C2CD3: variants seen among roughly 807,000 people sequenced by gnomAD.
The protein encoded by C2CD3 is C2 domain containing 3 centriole elongation regulator.
Under a neutral mutation model 234.0 loss-of-function variants are expected in C2CD3, and 148 were observed. The ratio of observed to expected loss-of-function variants is 0.63; its 90% confidence interval spans 0.55 to 0.72. The LOEUF (loss-of-function observed/expected upper bound fraction) is 0.72. Ranked by LOEUF, C2CD3 falls within the 30% of genes least tolerant of loss-of-function variation. C2CD3 has a pLI of 0.00. For missense variants in C2CD3, 2,577 were observed against 2,811.5 expected (o/e 0.92, Z 1.89); for synonymous variants, 1,000 against 1,035.4 (o/e 0.97, Z 0.66).
intron 19 of C2CD3, 112 bp downstream of exon 19, chr11:74,092,304 C>T: frequency 1.1e-6 from 1 of 935,206 alleles, no homozygotes; most frequent in South Asian, 1.5e-5. Flanking sequence ...ATCCACCCGC[C>T]TTGGCTTCCC....
intron 16 of C2CD3, among the ~76,000 whole-genome samples, chr11:74,095,852 A>G (rs1956085226): frequency 6.6e-6 from 1 of 152,250 alleles, no homozygotes; most frequent in Admixed American, 6.5e-5. Flanking sequence ...GGGTAACACC[A>G]GACCAAACTA....
At chr11:74,082,209 G>A (rs1038216911) in intron 22 of C2CD3, among the ~76,000 whole-genome samples, 2 of 149,822 alleles carry the variant, frequency 1.3e-5, no homozygotes, top group African/African-American at 2.5e-5. Flanking sequence ...TCCGCCTCCC[G>A]GGTTCATGCC....
chr11:74,122,712 A>G (rs1455411759), intron 8 of C2CD3, among the ~76,000 whole-genome samples: 2 of 152,206 alleles, frequency 1.3e-5, no homozygotes, highest in Non-Finnish European at 2.9e-5. Context: ...GAAACCATAA[A>G]ATATATTAAT....
Position 74,090,793 on chromosome 11 carries a change from C to A in C2CD3, c.3641+20G>T. 6.2e-7 allele frequency: 1 copy of A among 1,613,784 alleles called. No individual in the cohort carries two copies. Among genetic ancestry groups the A allele is most frequent in the Non-Finnish European group, 8.5e-7 (1 of 1,179,838 alleles). ...TGCAGTGTAAAAGGCTTGAGAATTGCTTGTCTCAGGTGGACTTACTTGGCT... is the reference window on the plus strand; with the variant it reads ...TGCAGTGTAAAAGGCTTGAGAATTGATTGTCTCAGGTGGACTTACTTGGCT... On this transcript the variant is annotated intron_variant, in intron 20 of 32. Transcript: ENST00000334126.
chr11:74,105,050 G>A (rs1351448992), intron 13 of C2CD3, among the ~76,000 whole-genome samples: 1 of 152,158 alleles, frequency 6.6e-6, no homozygotes, highest in Non-Finnish European at 1.5e-5. Context: ...AGAGAGACAA[G>A]GCTTTCAAGA....
At chr11:74,102,747 T>C (rs188236085) in intron 14 of C2CD3, among the ~76,000 whole-genome samples, 21 of 152,196 alleles carry the variant, frequency 1.4e-4, no homozygotes, top group African/African-American at 3.9e-4. Context: ...TTAAGATGAA[T>C]ACTGAAGTAG....
At chr11:74,080,150 GTGGAA>G (rs1316990462) in intron 22 of C2CD3, among the ~76,000 whole-genome samples, 2 of 152,098 alleles carry the variant, frequency 1.3e-5, no homozygotes, top group African/African-American at 4.8e-5. Flanking sequence ...ATAAAACATT[GTGGAA>G]TGATAATATT....
chr11:74,032,045 TG>T (rs1952541107), intron 31 of C2CD3, among the ~76,000 whole-genome samples: 1 of 152,206 alleles, frequency 6.6e-6, no homozygotes, highest in Admixed American at 6.5e-5. Flanking sequence ...GTTGTGAAAC[TG>T]TGATAGTTCA....
intron 19 of C2CD3, among the ~76,000 whole-genome samples, chr11:74,092,055 T>TAC (rs1955916573): frequency 6.6e-6 from 1 of 151,554 alleles, no homozygotes; most frequent in East Asian, 1.9e-4. Context: ...TGTATATATA[T>TAC]ATATATTTTT....
chr11:74,160,799 CCT>C (rs1366003272), intron 3 of C2CD3, among the ~76,000 whole-genome samples: 2 of 152,040 alleles, frequency 1.3e-5, no homozygotes, highest in African/African-American at 4.8e-5. Context: ...TGCTAATTAC[CCT>C]GATTTGATCC....
In C2CD3 at chr11:74,095,387, G is replaced by C; in HGVS notation, c.3001C>G (p.Leu1001Val). The C allele has an allele frequency of 6.2e-7, 1 of 1,612,668 alleles. No individual in the cohort carries two copies. Among genetic ancestry groups the C allele is most frequent in the African/African-American group, 1.3e-5 (1 of 74,922 alleles). ...VAMAEDRGNG[L>V]MEHCFEIHIE... is the part of the protein sequence containing the mutation. Reference sequence around the variant, plus strand: ...TGGATCTCAAAGCAGTGCTCCATCAGTCCATTTCCTCGGTCCTCTGCCTAT... The same window carrying C: ...TGGATCTCAAAGCAGTGCTCCATCACTCCATTTCCTCGGTCCTCTGCCTAT... The change falls in exon 17 of 33, where the codon CTG (leucine) becomes GTG (valine). Residue 1001 changes from leucine to valine, a missense_variant. Leu to Val is a conservative substitution (Grantham distance 32, BLOSUM62 1). Coordinates refer to ENST00000334126, the MANE Select transcript of C2CD3 (RefSeq NM_001286577.2).
At chr11:74,075,040 C>T (rs61901208) in intron 23 of C2CD3, among the ~76,000 whole-genome samples, 27,607 of 151,948 alleles carry the variant, frequency 0.18, 2,690 homozygotes, top group East Asian at 0.3. Flanking sequence ...GCCATGACTG[C>T]GCCACTGCAC....
chr11:74,065,440 C>T (rs988454109), intron 24 of C2CD3, among the ~76,000 whole-genome samples: 1 of 152,062 alleles, frequency 6.6e-6, no homozygotes, highest in Non-Finnish European at 1.5e-5. Context: ...TGTGGAGAAA[C>T]TGGAACACTT....
rs776964994 is a variant in C2CD3, at chr11:74,092,528, C to T, written c.3405G>A (p.Arg1135=). ...GCTGGGTGGTTACCATAGCACAGATCCTTGATAATGGCAAGGTTCCTTTGG... is the reference window on the plus strand; with the variant it reads ...GCTGGGTGGTTACCATAGCACAGATTCTTGATAATGGCAAGGTTCCTTTGG... ...KVAKGTLPLS[R]ICAMVTTQHR... The change falls in exon 19 of 33, where the codon AGG becomes AGA. Residue 1135 remains arginine, a synonymous_variant. Coordinates refer to ENST00000334126, the MANE Select transcript of C2CD3 (RefSeq NM_001286577.2). 2 of 1,613,990 alleles carry T rather than the reference C, an allele frequency of 1.2e-6. No homozygotes were observed. Among genetic ancestry groups the T allele is most frequent in the Non-Finnish European group, 1.7e-6 (2 of 1,179,920 alleles).
intron 24 of C2CD3, among the ~76,000 whole-genome samples, chr11:74,065,161 C>T (rs2135449729): frequency 6.6e-6 from 1 of 152,132 alleles, no homozygotes; most frequent in South Asian, 2.1e-4. Context: ...TACAATCTAC[C>T]CATCTGACAA....
In C2CD3 at chr11:74,078,430, GA is replaced by G. The variant is rs1955172101; in HGVS notation, c.4287del (p.His1430IlefsTer29). 4 of 1,614,050 alleles carry G rather than the reference GA, an allele frequency of 2.5e-6. No individual in the cohort carries two copies. Among genetic ancestry groups the G allele is most frequent in the Non-Finnish European group, 3.4e-6 (4 of 1,180,026 alleles). On this transcript the variant is annotated frameshift_variant, in exon 23 of 33. Transcript: ENST00000334126. LOFTEE classifies it high-confidence loss of function. ...HCVLLAGHNH[I>X]HKNTYCYLRY... ...CGAAGGTAGCAATATGTATTCTTAT[GA>G]ATGTGGTTGTGGCCAGCAAGCAGCA...
At position 74,078,675 on chromosome 11, in the gene C2CD3, C is replaced by T. The variant is rs748143486; in HGVS notation, c.4043G>A (p.Gly1348Asp). 1.2e-6 allele frequency: 2 copies of T among 1,611,820 alleles called. No individual in the cohort carries two copies. The highest frequency in any genetic ancestry group is 1.3e-5 in the African/African-American group (1 of 74,808). ...CATGAGCTCCAGGCCATGAGGTAGG[C>T]CCCCGTCTTCTGGTAAAATGATAGG... ...WYPIILPEDG[G>D]LPHGLELMQK... is the part of the protein sequence containing the mutation. The change falls in exon 23 of 33, where the codon GGC becomes GAC. Residue 1348 changes from glycine (G) to aspartate (D), a missense_variant. By Grantham distance (94) the Gly-to-Asp change is moderately conservative. Coordinates refer to ENST00000334126, the MANE Select transcript of C2CD3 (RefSeq NM_001286577.2).
intron 1 of C2CD3, among the ~76,000 whole-genome samples, chr11:74,169,865 T>C (rs1857047763): frequency 6.6e-6 from 1 of 152,172 alleles, no homozygotes; most frequent in South Asian, 2.1e-4. Context: ...TCCCAGATTG[T>C]AGCTTCAGTC....
chr11:74,126,636 C>T (rs1049045015), intron 7 of C2CD3, among the ~76,000 whole-genome samples: 10 of 152,178 alleles, frequency 6.6e-5, no homozygotes, highest in East Asian at 1.9e-4. Flanking sequence ...CCCAGCTACT[C>T]GGGAAGCTGA....
Sources: gnomAD v4.1 joint callset for allele counts (sites outside exome capture counted in the v4.1 genomes callset) on GRCh38, gnomAD v4.1.1 for gene constraint, MANE v1.5 for transcripts, NCBI Gene and HGNC (gene_info 2026-07-23, HGNC 2026-07-21) for gene names.